DENND1A: variants seen among roughly 807,000 people sequenced by gnomAD.
DENND1A encodes the protein DENN domain-containing protein 1A.
A neutral mutation model predicts 113.7 loss-of-function variants in DENND1A; 51 were observed. That is an observed-to-expected ratio of 0.45 (90% CI 0.36 to 0.57). The LOEUF is 0.57. Among genes scored for constraint, DENND1A ranks in the 20% least tolerant of loss-of-function variants. The pLI is 0.00. For missense variants in DENND1A, 1,258 were observed against 1,395.9 expected (o/e 0.90, Z 1.57); for synonymous variants, 565 against 570.8 (o/e 0.99, Z 0.14).
At chr9:123,388,762 A>G (rs1308879117) in intron 21 of DENND1A, among the ~76,000 whole-genome samples, 15 of 152,214 alleles carry the variant, frequency 9.9e-5, no homozygotes, top group Non-Finnish European at 1.9e-4. Flanking sequence ...ACCAGAGGCC[A>G]TGTGCTCAGC....
chr9:123,728,499 A>AAAAAT (rs2067902253), intron 5 of DENND1A, among the ~76,000 whole-genome samples: 1 of 147,186 alleles, frequency 6.8e-6, no homozygotes, highest in Non-Finnish European at 1.5e-5. Context: ...AAAAAAAAAA[A>AAAAAT]AAAAAAAAAA....
At chr9:123,736,075 A>G (rs2068540417) in intron 5 of DENND1A, among the ~76,000 whole-genome samples, 1 of 152,238 alleles carries the variant, frequency 6.6e-6, no homozygotes, top group African/African-American at 2.4e-5. Flanking sequence ...ATGTACTCAT[A>G]GCTGGATAAG....
At chr9:123,523,158 G>T (rs2054530933) in intron 13 of DENND1A, among the ~76,000 whole-genome samples, 2 of 152,190 alleles carry the variant, frequency 1.3e-5, no homozygotes. Context: ...AATGTTTAGA[G>T]AGTGTTGCCT....
intron 8 of DENND1A, among the ~76,000 whole-genome samples, chr9:123,653,616 C>T (rs1012341690): frequency 6.6e-6 from 1 of 152,116 alleles, no homozygotes. Flanking sequence ...AAAGGTCACG[C>T]AGTAAGTGGA....
At chr9:123,414,510 G>A in intron 19 of DENND1A, 11 of 1,545,738 alleles carry the variant, frequency 7.1e-6, no homozygotes, top group Non-Finnish European at 8.7e-6. Flanking sequence ...TTGTGTGAAG[G>A]GAAAAAAGGA....
intron 13 of DENND1A, among the ~76,000 whole-genome samples, chr9:123,511,587 C>T (rs1032302312): frequency 8.5e-5 from 13 of 152,352 alleles, no homozygotes; most frequent in Non-Finnish European, 1.3e-4. Flanking sequence ...CAGCACAAGG[C>T]CTGGCTTCAG....
intron 3 of DENND1A, among the ~76,000 whole-genome samples, chr9:123,788,065 G>T (rs1349238968): frequency 1.3e-5 from 2 of 152,084 alleles, no homozygotes; most frequent in Admixed American, 1.3e-4. Flanking sequence ...TCAAAGTGTG[G>T]ATGAGCACAC....
At chr9:123,526,154 C>T (rs999555745) in intron 13 of DENND1A, among the ~76,000 whole-genome samples, 4 of 138,882 alleles carry the variant, frequency 2.9e-5, no homozygotes, top group African/African-American at 1.1e-4. Context: ...CACACACATG[C>T]ACACACCTGC....
chr9:123,720,027 C>A (rs1010886031), intron 5 of DENND1A, among the ~76,000 whole-genome samples: 4 of 152,174 alleles, frequency 2.6e-5, no homozygotes, highest in African/African-American at 9.7e-5. Flanking sequence ...TGCCTAAGTA[C>A]CGACCACAAA....
At chr9:123,798,645 T>C (rs1232297493) in intron 2 of DENND1A, 1 of 148,816 alleles carries the variant, frequency 6.7e-6, no homozygotes, top group Non-Finnish European at 1.5e-5. Flanking sequence ...ATTTATGCTA[T>C]GTGAATCCAA....
At chr9:123,551,443 G>T (rs2057037797) in intron 13 of DENND1A, among the ~76,000 whole-genome samples, 1 of 152,232 alleles carries the variant, frequency 6.6e-6, no homozygotes, top group South Asian at 2.1e-4. Context: ...TACTAACACG[G>T]AACATGTGGA....
At chr9:123,894,339 T>C (rs1423491801) in intron 1 of DENND1A, among the ~76,000 whole-genome samples, 1 of 152,262 alleles carries the variant, frequency 6.6e-6, no homozygotes, top group Non-Finnish European at 1.5e-5. Context: ...ATCCGAGGTA[T>C]CTAAATTTAA....
At chr9:123,681,562 C>G (rs1007354677) in intron 5 of DENND1A, among the ~76,000 whole-genome samples, 1 of 151,984 alleles carries the variant, frequency 6.6e-6, no homozygotes, top group Non-Finnish European at 1.5e-5. Context: ...ATAATGGGAA[C>G]CAGGTATCTT....
intron 2 of DENND1A, among the ~76,000 whole-genome samples, chr9:123,814,424 T>C (rs1391463605): frequency 6.6e-6 from 1 of 152,118 alleles, no homozygotes; most frequent in Non-Finnish European, 1.5e-5. Context: ...GGCTGCAAAT[T>C]TTCAGCATTG....
At chr9:123,468,988 G>T (rs963979035) in intron 13 of DENND1A, among the ~76,000 whole-genome samples, 5 of 152,182 alleles carry the variant, frequency 3.3e-5, no homozygotes, top group African/African-American at 7.2e-5. Context: ...AGGGCTCATG[G>T]TCTAATGACC....
intron 21 of DENND1A, among the ~76,000 whole-genome samples, chr9:123,397,142 G>A (rs1043421816): frequency 1.3e-5 from 2 of 152,186 alleles, no homozygotes; most frequent in Admixed American, 6.5e-5. Flanking sequence ...GTTAATGGGA[G>A]TTGTCAATAA....
At position 123,928,929 on chromosome 9, in the gene DENND1A, C is replaced by T. The variant is rs530083718; in HGVS notation, c.17+960G>A. On this transcript the variant is annotated intron_variant, in intron 1 of 23. Coordinates refer to ENST00000394215, the MANE Select transcript of DENND1A (RefSeq NM_001352964.2). ...GCTGTCAACTTTGCTTTTTAATGCC[C>T]TTAAACAATTCTATTAGTCACAGAG... The T allele has an allele frequency of 1.9e-4, 184 of 979,194 alleles. No individual in the cohort carries two copies. In the African/African-American group the frequency reaches 3.1e-3, roughly 16 times the overall value. 60.7% of individuals were successfully genotyped at this position (979,194 alleles called of 1,614,324 possible). A position where few individuals can be genotyped will look rare whatever the true frequency, so the allele number is the denominator to read the frequency against.
intron 5 of DENND1A, among the ~76,000 whole-genome samples, chr9:123,698,616 C>T (rs1360006746): frequency 6.6e-6 from 1 of 152,180 alleles, no homozygotes; most frequent in South Asian, 2.1e-4. Context: ...GTTGTTTCTC[C>T]TTCGTTTTAC....
chr9:123,712,847 C>T (rs1042547434), intron 5 of DENND1A, among the ~76,000 whole-genome samples: 4 of 152,202 alleles, frequency 2.6e-5, no homozygotes, highest in African/African-American at 7.2e-5. Context: ...ATTCTGCCTT[C>T]GATATTTCCA....
Sources: allele counts gnomAD v4.1 joint callset (sites outside exome capture counted in the v4.1 genomes callset), GRCh38; gene constraint gnomAD v4.1.1; transcripts MANE v1.5; gene names NCBI Gene and HGNC (gene_info 2026-07-23, HGNC 2026-07-21).